The following ZNF585B variants were observed in gnomAD, a reference collection of about 807,000 sequenced individuals.
ZNF585B encodes zinc finger protein 41-like protein.
ZNF585B carries 7 observed loss-of-function variants against 14.0 expected under a neutral mutation model. That is an observed-to-expected ratio of 0.50 (90% CI 0.28 to 0.94). The LOEUF (loss-of-function observed/expected upper bound fraction) is 0.94, where lower values mean the gene tolerates loss of function less well. Among genes scored for constraint, ZNF585B ranks in the 40% least tolerant of loss-of-function variants. The pLI is 0.09. For synonymous variants in ZNF585B, 290 were observed against 317.3 expected, an observed-to-expected ratio of 0.91 and a Z score of 0.91; for missense variants, 750 against 924.4, an observed-to-expected ratio of 0.81 and a Z score of 2.45.
rs1216455536 is a variant in ZNF585B, at chr19:37,207,234, T to A, written c.-123A>T. On this transcript the variant is annotated 5_prime_UTR_variant, in exon 2 of 5. Transcript: ENST00000532828. ...CTGGAGGAAGGTCTGGCCCAGGGAC[T>A]CCCCAGAGACACCCAAGAACCTAGA... The A allele has an allele frequency of 2.6e-6, 4 of 1,512,374 alleles. No individual in the cohort carries two copies. In the East Asian group the frequency reaches 9.6e-5, roughly 36 times the overall value. 93.7% of individuals were successfully genotyped at this position (1,512,374 alleles called of 1,614,324 possible).
Position 37,186,914 on chromosome 19 carries a change from T to G in ZNF585B, c.623A>C (p.His208Pro). 1 of 1,614,172 alleles carries G rather than the reference T, an allele frequency of 6.2e-7. No individual in the cohort carries two copies. Among genetic ancestry groups the G allele is most frequent in the South Asian group, 1.1e-5 (1 of 91,076 alleles). Residue 208 changes from histidine to proline, a missense_variant, in exon 5 of 5, where the codon CAT becomes CCT. By Grantham distance (77) the His-to-Pro change is moderately conservative. This residue lies in a region of ZNF585B where 517 missense variants were observed against 570.3 expected (regional missense o/e 0.91). Coordinates refer to ENST00000532828, the MANE Select transcript of ZNF585B (RefSeq NM_152279.4). Reference protein sequence around the residue: ...VSSLFRHHRIHTGEKLYECSE... With the variant: ...VSSLFRHHRIPTGEKLYECSE... ...ACATTCATATAGTTTTTCTCCGGTA[T>G]GAATTCTGTGATGCCTGAAAAGAGA...
chr19:37,188,761 G>A (rs1356719242), intron 4 of ZNF585B, among the ~76,000 whole-genome samples: 3 of 151,974 alleles, frequency 2.0e-5, no homozygotes, highest in Non-Finnish European at 4.4e-5. Context: ...TGTGAGAAAG[G>A]GTGATTAATC....
chr19:37,203,308 G>T lies in ZNF585B; in HGVS notation c.72+3732C>A, dbSNP rs528226288. Among the ~76,000 whole-genome samples, 329 of 151,592 alleles carry T rather than the reference G, an allele frequency of 2.2e-3. 1 individual carries two copies. The highest frequency in any genetic ancestry group is 7.7e-3 in the African/African-American group (320 of 41,344). ...TATCTACAGTTTAGCTTTACCACAC[G>T]AACTTTAAAATGTAGTACTTTATTA... On this transcript the variant is annotated intron_variant, in intron 2 of 4. Coordinates refer to ENST00000532828, the MANE Select transcript of ZNF585B (RefSeq NM_152279.4).
intron 2 of ZNF585B, 158 bp from the exon 3 acceptor site, chr19:37,190,308 C>G: frequency 9.8e-7 from 1 of 1,024,334 alleles, no homozygotes; most frequent in Non-Finnish European, 1.3e-6. Flanking sequence ...TGCAGTGGCG[C>G]GATCTTGGCT....
In ZNF585B at chr19:37,186,239, G is replaced by A; in HGVS notation, c.1298C>T (p.Thr433Ile). ...ACCACATTTATAAGGTTTCTCTCCAGTATGAATTATTTGATGTGTAATCAA... is the reference window on the plus strand; with the variant it reads ...ACCACATTTATAAGGTTTCTCTCCAATATGAATTATTTGATGTGTAATCAA... ...AHLITHQIIH[T>I]GEKPYKCGHC... The change falls in exon 5 of 5, where the codon ACT becomes ATT. Residue 433 changes from threonine (T) to isoleucine (I), a missense_variant. Physicochemically the swap from Thr to Ile is moderately conservative, Grantham distance 89 (BLOSUM62 -1). Coordinates refer to ENST00000532828, the MANE Select transcript of ZNF585B (RefSeq NM_152279.4). 6.2e-6 allele frequency: 10 copies of A among 1,614,182 alleles called. No individual in the cohort carries two copies. Among genetic ancestry groups the A allele is most frequent in the Non-Finnish European group, 8.5e-6 (10 of 1,180,032 alleles).
chr19:37,208,464 T>C (rs918684104), intron 1 of ZNF585B, among the ~76,000 whole-genome samples: 4 of 152,140 alleles, frequency 2.6e-5, no homozygotes, highest in Non-Finnish European at 4.4e-5. Flanking sequence ...GTATTTCTGA[T>C]TATGTTTCCT....
chr19:37,201,304 G>C (rs1344905722), intron 2 of ZNF585B, among the ~76,000 whole-genome samples: 1 of 152,046 alleles, frequency 6.6e-6, no homozygotes, highest in African/African-American at 2.4e-5. Context: ...TGCCATTACT[G>C]TCACTGCACC....
rs976164222 is a variant in ZNF585B at position 37,181,716 on chromosome 19, C to G, written c.*3511G>C. The stretch of plus-strand genomic sequence containing the variant: ...AATGAGAAAAAAAAAAAAAAAAGAG[C>G]TAGCAAGCTACGAAAAGACATGGAA... On this transcript the variant is annotated 3_prime_UTR_variant, in exon 5 of 5. Transcript: ENST00000532828. The G allele has an allele frequency of 2.0e-5, 3 of 148,112 alleles. No homozygotes were observed. Among genetic ancestry groups the G allele is most frequent in the African/African-American group, 7.4e-5 (3 of 40,424 alleles). 9.2% of individuals were successfully genotyped at this position (148,112 alleles called of 1,614,324 possible).
Position 37,186,010 on chromosome 19 carries a change from C to G in ZNF585B, c.1527G>C (p.Leu509Phe), listed in dbSNP as rs1270631640. 1 of 1,613,936 alleles carries G rather than the reference C, an allele frequency of 6.2e-7. No homozygotes were observed. The highest frequency in any genetic ancestry group is 8.5e-7 in the Non-Finnish European group (1 of 1,179,988). The change falls in exon 5 of 5, where the codon TTG becomes TTC. Residue 509 changes from leucine (L) to phenylalanine (F), a missense_variant. Transcript: ENST00000532828. ...CAGTATGGATTCTCTGATGTGTAAT[C>G]AAGTCTGACCTCTGGGTGAAGGCCT... Reference protein sequence around the residue: ...CGKAFTQRSDLITHQRIHTGE... With the variant: ...CGKAFTQRSDFITHQRIHTGE...
rs1972305150 is a variant in ZNF585B at position 37,184,475 on chromosome 19, AG to A, written c.*751del. The A allele has an allele frequency of 1.6e-5, 2 of 123,336 alleles. No individual in the cohort carries two copies. The highest frequency in any genetic ancestry group is 3.3e-5 in the African/African-American group (1 of 30,638). 7.6% of individuals were successfully genotyped at this position (123,336 alleles called of 1,614,324 possible). A position where few individuals can be genotyped will look rare whatever the true frequency, so the allele number is the denominator to read the frequency against. ...AAGAAAGAAAGAAAGAAAGAAAGAA[AG>A]AAAGAAAGAAAGAAAGAAAGAAAGA... is the stretch of plus-strand genomic sequence containing the variant. On this transcript the variant is annotated 3_prime_UTR_variant, in exon 5 of 5. Coordinates refer to ENST00000532828, the MANE Select transcript of ZNF585B (RefSeq NM_152279.4).
At chr19:37,188,173 TA>T (rs960638014) in intron 4 of ZNF585B, among the ~76,000 whole-genome samples, 2 of 151,974 alleles carry the variant, frequency 1.3e-5, no homozygotes, top group African/African-American at 4.8e-5. Context: ...TCAGGTGAAA[TA>T]TAAAAATAAA....
chr19:37,190,098 C>G lies in ZNF585B; in HGVS notation c.125G>C (p.Arg42Pro). The G allele has an allele frequency of 6.2e-7, 1 of 1,614,108 alleles. No individual in the cohort carries two copies. The highest frequency in any genetic ancestry group is 2.2e-5 in the East Asian group (1 of 44,868). ...VAIDFSREEW[R>P]HLDLSQRNLY... The stretch of plus-strand genomic sequence containing the variant: ...GTTTCTCTGAGAAAGGTCCAGGTGC[C>G]GCCATTCCTCTCTGCTGAAATCGAT... Residue 42 changes from arginine to proline, a missense_variant, in exon 3 of 5, where the codon CGG (arginine) becomes CCG (proline). Coordinates refer to ENST00000532828, the MANE Select transcript of ZNF585B (RefSeq NM_152279.4).
In ZNF585B at chr19:37,186,843, G is replaced by T. The variant is rs1194800777; in HGVS notation, c.694C>A (p.His232Asn). The T allele has an allele frequency of 4.3e-6, 7 of 1,613,986 alleles. No homozygotes were observed. The highest frequency in any genetic ancestry group is 5.9e-6 in the Non-Finnish European group (7 of 1,179,894). Reference protein sequence around the residue: ...GFPYNSDLSIHEKIHTGERHH... With the variant: ...GFPYNSDLSINEKIHTGERHH... Reference sequence around the variant, plus strand: ...CTCTCTCCAGTATGAATTTTCTCATGTATACTGAGATCTGAGTTATAAGGG... The same window carrying T: ...CTCTCTCCAGTATGAATTTTCTCATTTATACTGAGATCTGAGTTATAAGGG... Residue 232 changes from histidine to asparagine, a missense_variant, in exon 5 of 5, where the codon CAT becomes AAT. Physicochemically the swap from His to Asn is moderately conservative, Grantham distance 68. Coordinates refer to ENST00000532828, the MANE Select transcript of ZNF585B (RefSeq NM_152279.4).
chr19:37,198,509 G>A (rs1466447797), intron 2 of ZNF585B, among the ~76,000 whole-genome samples: 13 of 151,994 alleles, frequency 8.6e-5, no homozygotes, highest in African/African-American at 2.9e-4. Context: ...AGGCCAAGGC[G>A]CAGATCACCT....
intron 2 of ZNF585B, among the ~76,000 whole-genome samples, chr19:37,192,458 G>A (rs1478648855): frequency 4.6e-5 from 7 of 151,086 alleles, no homozygotes; most frequent in Admixed American, 2.0e-4. Context: ...AGTGAGCCAC[G>A]ATTGCATCAC....
intron 2 of ZNF585B, chr19:37,190,367 TC>T: frequency 2.1e-6 from 1 of 467,946 alleles, no homozygotes; most frequent in East Asian, 4.6e-5. Context: ...TGCCTCAGCC[TC>T]CTGAGTAGCT....
In ZNF585B at chr19:37,181,919, T is replaced by C. The variant is rs929236034; in HGVS notation, c.*3308A>G. 3 of 152,126 alleles carry C rather than the reference T, an allele frequency of 2.0e-5. No individual in the cohort carries two copies. Among genetic ancestry groups the C allele is most frequent in the African/African-American group, 7.2e-5 (3 of 41,418 alleles). The allele number at this position is 152,126 out of a possible 1,614,324, so 9.4% of individuals were successfully genotyped here. A position where few individuals can be genotyped will look rare whatever the true frequency, so the allele number is the denominator to read the frequency against. ...CTCTTTATCCTTCTGTAATAATGCA[T>C]ACATGTCATTATTCATTTGTCTCAA... is the stretch of plus-strand genomic sequence containing the variant. On this transcript the variant is annotated 3_prime_UTR_variant, in exon 5 of 5. Transcript: ENST00000532828.
chr19:37,194,064 A>G (rs11673344), intron 2 of ZNF585B, among the ~76,000 whole-genome samples: 58,414 of 152,012 alleles, frequency 0.38, 11,766 homozygotes, highest in African/African-American at 0.49. Flanking sequence ...TTTGAGATTC[A>G]CTTTAAAATA....
At chr19:37,205,878 G>C (rs981506800) in intron 2 of ZNF585B, among the ~76,000 whole-genome samples, 4 of 151,374 alleles carry the variant, frequency 2.6e-5, no homozygotes, top group African/African-American at 9.7e-5. Context: ...TCAGGAGTTC[G>C]AGACCAGCGT....
Sources: gnomAD v4.1 joint callset for allele counts (sites outside exome capture counted in the v4.1 genomes callset) on GRCh38, gnomAD v4.1.1 for gene constraint, gnomAD v4.1.1 regional missense constraint, MANE v1.5 for transcripts, NCBI Gene and HGNC (gene_info 2026-07-23, HGNC 2026-07-21) for gene names.